The following FRAS1 variants were observed in gnomAD, a reference collection of about 807,000 sequenced individuals.
FRAS1 encodes the protein extracellular matrix organizing protein FRAS1.
FRAS1 carries 290 observed loss-of-function variants against 435.2 expected under a neutral mutation model. The observed-to-expected ratio is 0.67, with a 90% CI of 0.61 to 0.73. The LOEUF is 0.73. FRAS1 is among the 30% of genes least tolerant of loss of function. The probability of loss-of-function intolerance (pLI) is 0.00; values close to 1 mark genes in which losing one functional copy is unlikely to be tolerated. For synonymous variants in FRAS1, 1,800 were observed against 1,851.0 expected, an observed-to-expected ratio of 0.97 and a Z score of 0.71; for missense variants, 4,860 against 5,001.5, an observed-to-expected ratio of 0.97 and a Z score of 0.85.
rs551451160 is a variant in FRAS1 at position 78,431,993 on chromosome 4, C to T, written c.4970-364C>T. Among the ~76,000 whole-genome samples, 237 of 152,104 alleles carry T rather than the reference C, an allele frequency of 1.6e-3. 1 individual carries two copies. The highest frequency in any genetic ancestry group is 2.7e-3 in the Non-Finnish European group (182 of 67,978). On this transcript the variant is annotated intron_variant, in intron 37 of 73. Coordinates refer to ENST00000512123, the MANE Select transcript of FRAS1 (RefSeq NM_025074.7). Reference sequence around the variant, plus strand: ...GTATCAAGATAAGATTCCAAAAGAGCTGTCATAAAGAATAGAGGCTTGTTC... The same window carrying T: ...GTATCAAGATAAGATTCCAAAAGAGTTGTCATAAAGAATAGAGGCTTGTTC...
At chr4:78,100,969 C>T (rs1266741786) in intron 2 of FRAS1, among the ~76,000 whole-genome samples, 5 of 152,060 alleles carry the variant, frequency 3.3e-5, no homozygotes, top group African/African-American at 1.2e-4. Context: ...TAAAAGTGTA[C>T]AGGGGAAGGG....
intron 20 of FRAS1, among the ~76,000 whole-genome samples, chr4:78,356,279 C>T (rs1253953025): frequency 6.6e-6 from 1 of 152,140 alleles, no homozygotes; most frequent in Non-Finnish European, 1.5e-5. Context: ...TGATGCAACC[C>T]ATATTGACCT....
At chr4:78,379,262 G>A (rs1731912401) in intron 26 of FRAS1, 2 of 157,124 alleles carry the variant, frequency 1.3e-5, no homozygotes, top group African/African-American at 2.4e-5. Context: ...CGGTGGTAAA[G>A]ATAGGTACTG....
chr4:78,489,480 G>A (rs1457161674), intron 59 of FRAS1, among the ~76,000 whole-genome samples: 1 of 152,192 alleles, frequency 6.6e-6, no homozygotes, highest in East Asian at 1.9e-4. Context: ...AAGCTGAAGA[G>A]AAGGAGGGAG....
At chr4:78,240,319 G>T (rs1219219484) in intron 3 of FRAS1, among the ~76,000 whole-genome samples, 1 of 152,214 alleles carries the variant, frequency 6.6e-6, no homozygotes, top group Non-Finnish European at 1.5e-5. Flanking sequence ...ACCCAGAGAG[G>T]ATGAGTTGCA....
At chr4:78,147,348 A>C (rs1404015709) in intron 2 of FRAS1, among the ~76,000 whole-genome samples, 23 of 152,170 alleles carry the variant, frequency 1.5e-4, no homozygotes, top group Non-Finnish European at 1.5e-5. Context: ...CCTGATAGGG[A>C]GGTCATCTTC....
intron 34 of FRAS1, 77 bp downstream of exon 34, chr4:78,422,077 C>A: frequency 6.8e-7 from 1 of 1,464,836 alleles, no homozygotes; most frequent in African/African-American, 1.4e-5. Flanking sequence ...CTAACTCTCC[C>A]TGCAGTCCTC....
intron 20 of FRAS1, among the ~76,000 whole-genome samples, chr4:78,359,623 A>AT (rs1023949179): frequency 7.2e-5 from 11 of 152,160 alleles, no homozygotes; most frequent in Non-Finnish European, 1.3e-4. Context: ...TTGCTTTGGA[A>AT]TGAGTCTATT....
intron 47 of FRAS1, among the ~76,000 whole-genome samples, chr4:78,460,807 A>T (rs1719348177): frequency 6.6e-6 from 1 of 152,240 alleles, no homozygotes; most frequent in African/African-American, 2.4e-5. Flanking sequence ...GTATAGTATT[A>T]TAATTTTATG....
intron 2 of FRAS1, among the ~76,000 whole-genome samples, chr4:78,105,798 G>C (rs1251422441): frequency 6.6e-6 from 1 of 151,450 alleles, no homozygotes; most frequent in African/African-American, 2.4e-5. Flanking sequence ...CGTGAGCGAC[G>C]CAGAAGACGG....
chr4:78,384,736 CA>C (rs59148575), intron 28 of FRAS1, among the ~76,000 whole-genome samples: 38,527 of 140,766 alleles, frequency 0.27, 5,113 homozygotes, highest in Admixed American at 0.33. Flanking sequence ...TATACCGAAA[CA>C]AAAAAAAAAA....
chr4:78,473,043 A>G (rs949506), intron 52 of FRAS1, among the ~76,000 whole-genome samples: 46,721 of 152,048 alleles, frequency 0.31, 8,429 homozygotes, highest in Admixed American at 0.4. Flanking sequence ...AAGAACCTTT[A>G]TTAGAAGGAA....
intron 2 of FRAS1, among the ~76,000 whole-genome samples, chr4:78,214,304 G>A (rs1024033656): frequency 4.6e-5 from 7 of 152,178 alleles, no homozygotes; most frequent in African/African-American, 1.7e-4. Flanking sequence ...TCTAAATTCT[G>A]TATCTGTCTT....
At chr4:78,535,663 C>A (rs1290977356) in intron 71 of FRAS1, among the ~76,000 whole-genome samples, 1 of 152,200 alleles carries the variant, frequency 6.6e-6, no homozygotes, top group African/African-American at 2.4e-5. Context: ...TGCCTCACAG[C>A]TATATTTTAG....
rs1191812183 is a variant in FRAS1 at position 78,303,183 on chromosome 4, T to C, written c.1535-4883T>C. Among the ~76,000 whole-genome samples, 14 of 152,290 alleles carry C rather than the reference T, an allele frequency of 9.2e-5. No individual in the cohort carries two copies. The South Asian group carries it at 1.5e-3, about 16-fold the overall frequency. ...AGATAGTTGTAGATATGCGGCATTA[T>C]TTCTGAGGGCTCTGTTCTGTTCCAT... is the stretch of plus-strand genomic sequence containing the variant. On this transcript the variant is annotated intron_variant, in intron 14 of 73. Transcript: ENST00000512123.
At chr4:78,127,331 G>A (rs1719416205) in intron 2 of FRAS1, among the ~76,000 whole-genome samples, 1 of 152,224 alleles carries the variant, frequency 6.6e-6, no homozygotes. Flanking sequence ...CCTTTTAAGG[G>A]CTTTGGACTC....
chr4:78,118,614 G>T lies in FRAS1; in HGVS notation c.108+52598G>T, dbSNP rs1718811395. ...AGGCTCCGTGGGCATAGGACCCTCA[G>T]ATCCAGGCCCAGGATACAATCTCCT... On this transcript the variant is annotated intron_variant, in intron 2 of 73. Transcript: ENST00000512123. Among the ~76,000 whole-genome samples, 3 of 152,342 alleles carry T rather than the reference G, an allele frequency of 2.0e-5. No homozygotes were observed. In the South Asian group the frequency reaches 6.2e-4, roughly 32 times the overall value.
intron 2 of FRAS1, among the ~76,000 whole-genome samples, chr4:78,218,877 G>C (rs544395053): frequency 2.6e-4 from 39 of 152,274 alleles, no homozygotes; most frequent in African/African-American, 9.1e-4. Flanking sequence ...TATAAAATGT[G>C]ATATTTCTTA....
chr4:78,116,142 G>C (rs1743155844), intron 2 of FRAS1, among the ~76,000 whole-genome samples: 1 of 152,202 alleles, frequency 6.6e-6, no homozygotes, highest in African/African-American at 2.4e-5. Context: ...GAGCAGTTTT[G>C]AGTGAGTGTC....
Sources: allele counts gnomAD v4.1 joint callset (sites outside exome capture counted in the v4.1 genomes callset), GRCh38; gene constraint gnomAD v4.1.1; transcripts MANE v1.5; gene names NCBI Gene and HGNC (gene_info 2026-07-23, HGNC 2026-07-21).